PIEZO2: variants seen among roughly 807,000 people sequenced by gnomAD.
PIEZO2 encodes piezo type mechanosensitive ion channel component 2, also known as piezo-type mechanosensitive ion channel component 2.
Under a neutral mutation model 337.3 loss-of-function variants are expected in PIEZO2, and 172 were observed. That is an observed-to-expected ratio of 0.51 (90% CI 0.45 to 0.58). The LOEUF is 0.58. PIEZO2 is among the 20% of genes least tolerant of loss of function. The pLI is 0.00. For missense variants in PIEZO2, 3,028 were observed against 3,391.3 expected, an observed-to-expected ratio of 0.89 and a Z score of 2.66; for synonymous variants, 1,251 against 1,228.5, an observed-to-expected ratio of 1.02 and a Z score of -0.38.
chr18:10,728,515 G>A (rs2036628531), intron 36 of PIEZO2: 1 of 152,112 alleles, frequency 6.6e-6, no homozygotes, highest in African/African-American at 2.4e-5. Flanking sequence ...AAGGTGAGAG[G>A]ATTGAATAAA....
intron 1 of PIEZO2, among the ~76,000 whole-genome samples, chr18:11,095,381 G>A (rs531446893): frequency 2.6e-5 from 4 of 152,212 alleles, no homozygotes; most frequent in African/African-American, 7.2e-5. Context: ...TTGGAATCAC[G>A]GTGTGCGTAA....
chr18:11,121,193 A>C (rs1237740752), intron 1 of PIEZO2, among the ~76,000 whole-genome samples: 3 of 152,218 alleles, frequency 2.0e-5, no homozygotes, highest in African/African-American at 7.2e-5. Flanking sequence ...TGGAGGTTGC[A>C]GTGAGCCAAG....
In PIEZO2 at chr18:10,911,818, C is replaced by T. The variant is rs542820781; in HGVS notation, c.287-590G>A. The stretch of plus-strand genomic sequence containing the variant: ...AAAATATGCATGTGACAGAACTCTC[C>T]ATGCCAACCCCTCTGGTAAAGCATT... On this transcript the variant is annotated intron_variant, in intron 3 of 55. Coordinates refer to ENST00000674853, the MANE Select transcript of PIEZO2 (RefSeq NM_001378183.1). Among the ~76,000 whole-genome samples the T allele has an allele frequency of 6.3e-4, 96 of 152,172 alleles. 2 individuals are homozygous for T. Among genetic ancestry groups the T allele is most frequent in the African/African-American group, 2.0e-3 (83 of 41,538 alleles).
rs192976833 is a variant in PIEZO2, at chr18:10,819,026, T to C, written c.918-11752A>G. ...AGTGGCTAATAATTTTTTGTTACAC[T>C]TTAAACAGTAAATATACACATCGTC... On this transcript the variant is annotated intron_variant, in intron 7 of 55. Coordinates refer to ENST00000674853, the MANE Select transcript of PIEZO2 (RefSeq NM_001378183.1). This position sits in a 1 kb window ranked among gnomAD's most constrained non-coding sequence, Gnocchi z 4.3. 2.3e-3 allele frequency among the ~76,000 whole-genome samples: 351 copies of C among 152,348 alleles called. 1 individual carries two copies. The highest frequency in any genetic ancestry group is 5.4e-3 in the South Asian group (26 of 4,830).
chr18:11,091,390 AAAAAAAAAAG>A (rs1020558902), intron 1 of PIEZO2, among the ~76,000 whole-genome samples: 3 of 123,214 alleles, frequency 2.4e-5, no homozygotes, highest in Non-Finnish European at 5.7e-5. Context: ...TCTCAAAAAA[AAAAAAAAAAG>A]AAAAAAAGAA....
intron 2 of PIEZO2, among the ~76,000 whole-genome samples, chr18:11,005,134 A>G (rs1479105054): frequency 6.6e-6 from 1 of 152,220 alleles, no homozygotes; most frequent in East Asian, 1.9e-4. Context: ...ATTCTGTCCC[A>G]AGGGACCTAC....
chr18:11,111,937 C>A lies in PIEZO2; in HGVS notation c.64+36588G>T, dbSNP rs1178040957. 1.3e-5 allele frequency among the ~76,000 whole-genome samples: 2 copies of A among 152,234 alleles called. No individual in the cohort carries two copies. Among genetic ancestry groups the A allele is most frequent in the Non-Finnish European group, 2.9e-5 (2 of 68,046 alleles). ...CACAAGATCTCAAAGAAACGATCTTCTGCAGGCCACTTCATGAGTCCCCTT... is the reference window on the plus strand; with the variant it reads ...CACAAGATCTCAAAGAAACGATCTTATGCAGGCCACTTCATGAGTCCCCTT... On this transcript the variant is annotated intron_variant, in intron 1 of 55. Transcript: ENST00000674853. The surrounding 1 kb of genome is among the most constrained non-coding windows in gnomAD (Gnocchi z 6.2).
chr18:10,962,515 G>A lies in PIEZO2; in HGVS notation c.286+17020C>T, dbSNP rs1221148225. On this transcript the variant is annotated intron_variant, in intron 3 of 55. Coordinates refer to ENST00000674853, the MANE Select transcript of PIEZO2 (RefSeq NM_001378183.1). This position sits in a 1 kb window ranked among gnomAD's most constrained non-coding sequence, Gnocchi z 4.1. ...CATGGCCAAGCTTCCTCCAGTCTCTGTAGGTGTGATGTTTCCCCATCAACA... is the reference window on the plus strand; with the variant it reads ...CATGGCCAAGCTTCCTCCAGTCTCTATAGGTGTGATGTTTCCCCATCAACA... Among the ~76,000 whole-genome samples, 1 of 152,168 alleles carries A rather than the reference G, an allele frequency of 6.6e-6. No individual in the cohort carries two copies. The highest frequency in any genetic ancestry group is 1.5e-5 in the Non-Finnish European group (1 of 68,030).
Position 10,830,700 on chromosome 18 carries a change from G to A in PIEZO2, c.918-23426C>T, listed in dbSNP as rs562205492. On this transcript the variant is annotated intron_variant, in intron 7 of 55. Coordinates refer to ENST00000674853, the MANE Select transcript of PIEZO2 (RefSeq NM_001378183.1). The surrounding 1 kb of genome is among the most constrained non-coding windows in gnomAD (Gnocchi z 4.7). ...AAATGGAATCACATCAGATTGAAAC[G>A]CTTCTGAACGGCAAAGGAAACAATT... Among the ~76,000 whole-genome samples the A allele has an allele frequency of 2.6e-5, 4 of 152,270 alleles. No homozygotes were observed. In the East Asian group the frequency reaches 5.8e-4, roughly 22 times the overall value.
At chr18:10,737,778 A>G (rs1383329149) in intron 33 of PIEZO2, 1 of 152,256 alleles carries the variant, frequency 6.6e-6, no homozygotes, top group African/African-American at 2.4e-5. Flanking sequence ...ATGTCCCATC[A>G]TCGCAGGAAA....
chr18:11,024,751 G>A (rs986579441), intron 2 of PIEZO2, among the ~76,000 whole-genome samples: 3 of 151,476 alleles, frequency 2.0e-5, no homozygotes, highest in South Asian at 2.1e-4. Context: ...AGTGATTCTC[G>A]TCTCAGCCTC....
chr18:10,694,374 A>ATT (rs74664317), intron 47 of PIEZO2, among the ~76,000 whole-genome samples: 1 of 151,944 alleles, frequency 6.6e-6, no homozygotes, highest in Non-Finnish European at 1.5e-5. Flanking sequence ...CGTAAAATCC[A>ATT]TTTTTTTTAT....
At chr18:10,764,864 A>G (rs1435374556) in intron 21 of PIEZO2, among the ~76,000 whole-genome samples, 1 of 152,220 alleles carries the variant, frequency 6.6e-6, no homozygotes, top group Non-Finnish European at 1.5e-5. Flanking sequence ...AAACAGATAG[A>G]TTAGCGAATT....
intron 4 of PIEZO2, among the ~76,000 whole-genome samples, chr18:10,910,304 G>T (rs111643045): frequency 1.3e-5 from 2 of 152,184 alleles, no homozygotes; most frequent in Non-Finnish European, 2.9e-5. Context: ...ATTGACCAGC[G>T]GGTGCAGTGG....
rs898755612 is a variant in PIEZO2, at chr18:10,773,227, T to G, written c.2785+185A>C. Among the ~76,000 whole-genome samples, 3 of 151,944 alleles carry G rather than the reference T, an allele frequency of 2.0e-5. No individual in the cohort carries two copies. ...CGTCTGGTCTCTACTCAGTCAGAAT[T>G]AAAAAGAAATTGTTGGAGCAATTGG... is the stretch of plus-strand genomic sequence containing the variant. On this transcript the variant is annotated intron_variant, in intron 20 of 55. Coordinates refer to ENST00000674853, the MANE Select transcript of PIEZO2 (RefSeq NM_001378183.1). This position sits in a 1 kb window ranked among gnomAD's most constrained non-coding sequence, Gnocchi z 5.3.
intron 17 of PIEZO2, 111 bp from the exon 18 acceptor site, chr18:10,780,477 G>C: frequency 3.0e-6 from 2 of 667,530 alleles, no homozygotes; most frequent in Non-Finnish European, 5.5e-6. Flanking sequence ...AAGCTTCCTA[G>C]CATCAAGTGT....
At chr18:10,991,730 T>A (rs771834829) in intron 2 of PIEZO2, among the ~76,000 whole-genome samples, 1 of 152,184 alleles carries the variant, frequency 6.6e-6, no homozygotes, top group African/African-American at 2.4e-5. Flanking sequence ...TTTATAATCC[T>A]TGGGGTATAT....
chr18:11,036,367 T>G (rs922349848), intron 2 of PIEZO2, among the ~76,000 whole-genome samples: 7 of 152,286 alleles, frequency 4.6e-5, no homozygotes, highest in African/African-American at 1.7e-4. Flanking sequence ...CTCTGAATTC[T>G]GTACATAACT....
chr18:11,129,205 A>C lies in PIEZO2; in HGVS notation c.64+19320T>G, dbSNP rs894650695. Among the ~76,000 whole-genome samples the C allele has an allele frequency of 6.6e-5, 10 of 152,158 alleles. No individual in the cohort carries two copies. The highest frequency in any genetic ancestry group is 1.2e-4 in the Non-Finnish European group (8 of 68,036). ...ATACCCTTGACCAATGCCTTGTGAA[A>C]CAGATTTGTGAGGGCAGCACCTGCA... On this transcript the variant is annotated intron_variant, in intron 1 of 55. Coordinates refer to ENST00000674853, the MANE Select transcript of PIEZO2 (RefSeq NM_001378183.1). The surrounding 1 kb of genome is among the most constrained non-coding windows in gnomAD (Gnocchi z 4.6).
Sources: allele counts gnomAD v4.1 joint callset (sites outside exome capture counted in the v4.1 genomes callset), GRCh38; gene constraint gnomAD v4.1.1; non-coding constraint Gnocchi (gnomAD v3.1); transcripts MANE v1.5; gene names NCBI Gene and HGNC (gene_info 2026-07-23, HGNC 2026-07-21).